Variants in PRR5L observed in about 807,000 individuals in gnomAD.
PRR5L encodes proline rich 5 like.
In PRR5L, 21 loss-of-function variants were observed where a neutral mutation model predicts 36.4. The ratio of observed to expected loss-of-function variants is 0.58; its 90% CI spans 0.41 to 0.83. The LOEUF is 0.83. PRR5L is among the 40% of genes least tolerant of loss of function. The pLI is 0.00. For synonymous variants in PRR5L, 188 were observed against 197.0 expected (o/e 0.95, Z 0.38); for missense variants, 381 against 473.3 (o/e 0.80, Z 1.81).
intron 6 of PRR5L, 68 bp downstream of exon 6, chr11:36,437,544 C>A: frequency 1.1e-6 from 1 of 901,110 alleles, no homozygotes; most frequent in Non-Finnish European, 1.7e-6. Context: ...CCCTTGCGGC[C>A]TGAGGGCTCC....
chr11:36,338,703 C>T (rs1278358251), intron 1 of PRR5L, among the ~76,000 whole-genome samples: 1 of 152,158 alleles, frequency 6.6e-6, no homozygotes, highest in Non-Finnish European at 1.5e-5. Context: ...TGTTGGACCA[C>T]TCCTCAAAAT....
At chr11:36,350,981 T>C (rs1444744957) in intron 1 of PRR5L, among the ~76,000 whole-genome samples, 1 of 70,644 alleles carries the variant, frequency 1.4e-5, no homozygotes, top group Non-Finnish European at 2.5e-5. Context: ...TATATATATT[T>C]ATATATTTAT....
At chr11:36,331,498 A>G (rs1856718752) in intron 1 of PRR5L, among the ~76,000 whole-genome samples, 2 of 152,248 alleles carry the variant, frequency 1.3e-5, no homozygotes, top group Non-Finnish European at 1.5e-5. Flanking sequence ...AGCATAGGAA[A>G]TTATTCTGAT....
intron 4 of PRR5L, chr11:36,426,252 A>G (rs1374924640): frequency 1.3e-5 from 2 of 152,278 alleles, no homozygotes; most frequent in African/African-American, 4.8e-5. Flanking sequence ...TTCTGCCAGT[A>G]GGTCTGGGTT....
At chr11:36,406,336 A>G (rs534582584) in intron 3 of PRR5L, among the ~76,000 whole-genome samples, 3 of 152,296 alleles carry the variant, frequency 2.0e-5, no homozygotes, top group African/African-American at 7.2e-5. Context: ...TGAGCCCAGA[A>G]TAAGCCAAAG....
intron 2 of PRR5L, 110 bp from the exon 3 acceptor site, chr11:36,403,188 T>G (rs1590542506): frequency 1.2e-6 from 1 of 828,828 alleles, no homozygotes; most frequent in African/African-American, 1.7e-5. Context: ...TGTGGCCAGG[T>G]TTGTGCTATG....
chr11:36,329,608 A>G (rs1202946668), intron 1 of PRR5L, among the ~76,000 whole-genome samples: 4 of 152,242 alleles, frequency 2.6e-5, no homozygotes, highest in Non-Finnish European at 5.9e-5. Context: ...CTCATTAAAT[A>G]TGGCCTGGTC....
intron 4 of PRR5L, among the ~76,000 whole-genome samples, chr11:36,426,651 A>C (rs1296346402): frequency 6.6e-6 from 1 of 152,234 alleles, no homozygotes; most frequent in Non-Finnish European, 1.5e-5. Flanking sequence ...TTGAGCCTCA[A>C]GTTCTTTATT....
rs186210938 is a variant in PRR5L at position 36,328,321 on chromosome 11, T to C, written c.-126+31883T>C. 3.0e-3 allele frequency among the ~76,000 whole-genome samples: 457 copies of C among 152,260 alleles called. 4 individuals are homozygous for C. The highest frequency in any genetic ancestry group is 0.01 in the African/African-American group (435 of 41,544). On this transcript the variant is annotated intron_variant, in intron 1 of 8. Coordinates refer to ENST00000530639, the MANE Select transcript of PRR5L (RefSeq NM_001160167.2). ...GTCCCTGCCCAAATCTTATGTCCAA[T>C]TGTAATCCCCAATGTTGGAGGTGGG...
chr11:36,353,646 A>C (rs1239930082), intron 1 of PRR5L, among the ~76,000 whole-genome samples: 1 of 152,172 alleles, frequency 6.6e-6, no homozygotes, highest in African/African-American at 2.4e-5. Flanking sequence ...CCACCTCAGA[A>C]CATCAGGCAT....
chr11:36,320,475 A>G (rs1856604500), intron 1 of PRR5L, among the ~76,000 whole-genome samples: 1 of 151,884 alleles, frequency 6.6e-6, no homozygotes, highest in African/African-American at 2.4e-5. Context: ...GGCTTTTTCC[A>G]TGTATTCATC....
intron 1 of PRR5L, among the ~76,000 whole-genome samples, chr11:36,313,734 G>A (rs947499584): frequency 1.3e-5 from 2 of 152,186 alleles, no homozygotes; most frequent in Non-Finnish European, 2.9e-5. Flanking sequence ...GACCTTGTCT[G>A]CATTGCCAGT....
intron 8 of PRR5L, among the ~76,000 whole-genome samples, chr11:36,460,340 C>G (rs997759845): frequency 2.6e-5 from 4 of 152,124 alleles, no homozygotes; most frequent in Non-Finnish European, 4.4e-5. Context: ...TGGCCAGGAC[C>G]CGGCGCTGGG....
At chr11:36,370,484 C>A (rs1857186133) in intron 1 of PRR5L, among the ~76,000 whole-genome samples, 1 of 152,154 alleles carries the variant, frequency 6.6e-6, no homozygotes, top group Non-Finnish European at 1.5e-5. Flanking sequence ...CTTTCTTGTT[C>A]ACCATTACAT....
chr11:36,406,122 G>A (rs1181252999), intron 3 of PRR5L, among the ~76,000 whole-genome samples: 2 of 149,982 alleles, frequency 1.3e-5, no homozygotes, highest in East Asian at 1.9e-4. Flanking sequence ...TTTTGCCATC[G>A]TTCCTTTCCC....
chr11:36,311,744 T>C (rs1165576362), intron 1 of PRR5L, among the ~76,000 whole-genome samples: 1 of 152,170 alleles, frequency 6.6e-6, no homozygotes, highest in African/African-American at 2.4e-5. Flanking sequence ...CTTTTAGTGG[T>C]GGATAGCGTT....
intron 1 of PRR5L, among the ~76,000 whole-genome samples, chr11:36,324,229 T>C (rs1271402388): frequency 6.6e-6 from 1 of 152,196 alleles, no homozygotes; most frequent in African/African-American, 2.4e-5. Context: ...AATGGATCAC[T>C]AGAACACACA....
chr11:36,439,819 G>A (rs1858683994), intron 6 of PRR5L, among the ~76,000 whole-genome samples: 1 of 152,020 alleles, frequency 6.6e-6, no homozygotes, highest in South Asian at 2.1e-4. Context: ...CTTTTTCTTT[G>A]TGCTTAGCCT....
chr11:36,431,611 G>A (rs995966345), intron 4 of PRR5L, among the ~76,000 whole-genome samples: 5 of 152,118 alleles, frequency 3.3e-5, no homozygotes, highest in African/African-American at 1.2e-4. Flanking sequence ...CCTCGTCTGA[G>A]GGATGAGGGT....
Sources: gnomAD v4.1 joint callset for allele counts (sites outside exome capture counted in the v4.1 genomes callset) on GRCh38, gnomAD v4.1.1 for gene constraint, MANE v1.5 for transcripts, NCBI Gene and HGNC (gene_info 2026-07-23, HGNC 2026-07-21) for gene names.